Variants in CLSTN2 observed in about 807,000 individuals in gnomAD.
CLSTN2 encodes the protein calsyntenin-2.
CLSTN2 carries 48 observed loss-of-function variants against 101.2 expected under a neutral mutation model. The observed-to-expected ratio is 0.47, with a 90% CI of 0.38 to 0.60. CLSTN2 has a LOEUF of 0.60. Ranked by LOEUF, CLSTN2 falls within the 20% of genes least tolerant of loss-of-function variation. The pLI is 0.00. For synonymous variants in CLSTN2, 481 were observed against 463.6 expected (o/e 1.04, Z -0.48); for missense variants, 1,160 against 1,238.2 (o/e 0.94, Z 0.95).
At chr3:139,945,431 C>G (rs1196711250) in intron 1 of CLSTN2, among the ~76,000 whole-genome samples, 1 of 152,244 alleles carries the variant, frequency 6.6e-6, no homozygotes, top group African/African-American at 2.4e-5. Context: ...TTTAAGAAAT[C>G]TTCGAGGCTT....
At position 140,346,069 on chromosome 3, in the gene CLSTN2, A is replaced by T. The variant is rs147669807; in HGVS notation, c.233-57560A>T. Among the ~76,000 whole-genome samples the T allele has an allele frequency of 8.5e-4, 129 of 152,322 alleles. 1 individual carries two copies. The highest frequency in any genetic ancestry group is 2.9e-3 in the African/African-American group (119 of 41,572). ...AAGTCTCTTCCAAATCAATACACAG[A>T]ATATGAGATATGGCAGGGGGTGGCA... On this transcript the variant is annotated intron_variant, in intron 2 of 16. Transcript: ENST00000458420.
chr3:140,486,817 C>T (rs1215843344), intron 8 of CLSTN2, among the ~76,000 whole-genome samples: 1 of 152,294 alleles, frequency 6.6e-6, no homozygotes, highest in Admixed American at 6.5e-5. Flanking sequence ...CACCTTCAAA[C>T]CCTGAATTGG....
chr3:140,247,423 G>A (rs2086527183), intron 2 of CLSTN2, among the ~76,000 whole-genome samples: 2 of 152,306 alleles, frequency 1.3e-5, no homozygotes, highest in South Asian at 4.1e-4. Context: ...CCTTTGGGAA[G>A]CTCTGGCATC....
In CLSTN2 at chr3:140,459,487, G is replaced by A. The variant is rs1576579647; in HGVS notation, c.974-34G>A. The A allele has an allele frequency of 3.7e-6, 6 of 1,609,910 alleles. No homozygotes were observed. The South Asian group carries it at 4.4e-5, about 12-fold the overall frequency. Reference sequence around the variant, plus strand: ...AAAACAGATGAGGACACCGCATCATGACCTGTTATCCTTTCTTTCCTGACC... The same window carrying A: ...AAAACAGATGAGGACACCGCATCATAACCTGTTATCCTTTCTTTCCTGACC... On this transcript the variant is annotated intron_variant, in intron 6 of 16. Coordinates refer to ENST00000458420, the MANE Select transcript of CLSTN2 (RefSeq NM_022131.3).
At chr3:140,540,432 T>C (rs992372201) in intron 9 of CLSTN2, among the ~76,000 whole-genome samples, 20 of 152,220 alleles carry the variant, frequency 1.3e-4, no homozygotes, top group African/African-American at 4.3e-4. Context: ...GCTGCACTTA[T>C]AGGGGTCTAT....
chr3:140,259,030 A>C (rs1027209522), intron 2 of CLSTN2, among the ~76,000 whole-genome samples: 5 of 152,212 alleles, frequency 3.3e-5, no homozygotes, highest in Admixed American at 6.5e-5. Context: ...AAACATGCCA[A>C]GTTTGGTGTC....
intron 2 of CLSTN2, among the ~76,000 whole-genome samples, chr3:140,331,463 ATAT>A (rs1168681661): frequency 2.0e-5 from 3 of 152,136 alleles, no homozygotes; most frequent in Non-Finnish European, 4.4e-5. Context: ...TTGACATCTG[ATAT>A]TAACCATCAC....
At chr3:140,355,246 T>A (rs1035873898) in intron 2 of CLSTN2, among the ~76,000 whole-genome samples, 1 of 152,234 alleles carries the variant, frequency 6.6e-6, no homozygotes, top group African/African-American at 2.4e-5. Flanking sequence ...TTTTTGAACC[T>A]AAATATGAAA....
At chr3:140,208,038 T>C (rs2010806368) in intron 2 of CLSTN2, among the ~76,000 whole-genome samples, 2 of 152,184 alleles carry the variant, frequency 1.3e-5, no homozygotes, top group African/African-American at 4.8e-5. Flanking sequence ...CTGCCAGATT[T>C]TTTGCAAAAA....
chr3:140,359,642 A>G (rs1449508703), intron 2 of CLSTN2, among the ~76,000 whole-genome samples: 1 of 152,242 alleles, frequency 6.6e-6, no homozygotes, highest in African/African-American at 2.4e-5. Context: ...ATTTAAAATG[A>G]AGGCGGACCT....
chr3:140,195,155 A>G (rs905156867), intron 2 of CLSTN2, among the ~76,000 whole-genome samples: 3 of 152,188 alleles, frequency 2.0e-5, no homozygotes, highest in African/African-American at 4.8e-5. Context: ...TGAGGCCACA[A>G]TTCTTTATGC....
At chr3:140,235,016 A>T (rs975453488) in intron 2 of CLSTN2, among the ~76,000 whole-genome samples, 4 of 152,174 alleles carry the variant, frequency 2.6e-5, no homozygotes, top group African/African-American at 9.7e-5. Flanking sequence ...TATGAGACTT[A>T]TCTCCTTGGG....
chr3:140,487,228 A>G (rs1559884258), intron 8 of CLSTN2, among the ~76,000 whole-genome samples: 1 of 152,230 alleles, frequency 6.6e-6, no homozygotes, highest in African/African-American at 2.4e-5. Context: ...GGTAGTATTC[A>G]TGAGTTGGGT....
At chr3:140,396,808 C>T (rs982724076) in intron 2 of CLSTN2, among the ~76,000 whole-genome samples, 2 of 152,190 alleles carry the variant, frequency 1.3e-5, no homozygotes, top group African/African-American at 2.4e-5. Flanking sequence ...GCTGGGAGCA[C>T]TCTGCAAGGT....
At chr3:140,294,265 A>G (rs527620127) in intron 2 of CLSTN2, among the ~76,000 whole-genome samples, 4 of 152,368 alleles carry the variant, frequency 2.6e-5, no homozygotes, top group African/African-American at 7.2e-5. Context: ...TACAAAGTTT[A>G]GAAATTGTAA....
At chr3:140,430,311 G>T (rs1283987410) in intron 5 of CLSTN2, among the ~76,000 whole-genome samples, 1 of 152,186 alleles carries the variant, frequency 6.6e-6, no homozygotes. Context: ...TGTTAAGCTA[G>T]GAGTCAGCAA....
At chr3:140,147,592 T>G (rs1348358101) in intron 1 of CLSTN2, among the ~76,000 whole-genome samples, 1 of 152,208 alleles carries the variant, frequency 6.6e-6, no homozygotes, top group Non-Finnish European at 1.5e-5. Context: ...AAAATGATTT[T>G]CATTGAACAA....
At position 140,444,992 on chromosome 3, in the gene CLSTN2, G is replaced by T. The variant is rs1933041275; in HGVS notation, c.788-3527G>T. On this transcript the variant is annotated intron_variant, in intron 5 of 16. Transcript: ENST00000458420. ...TGGAAAATGGAAGATGTTTGTGTGA[G>T]CGTCTCACTCTCTCAAGTACACTGT... 2.0e-5 allele frequency among the ~76,000 whole-genome samples: 3 copies of T among 152,302 alleles called. No individual in the cohort carries two copies. The South Asian group carries it at 6.2e-4, about 32-fold the overall frequency.
intron 8 of CLSTN2, among the ~76,000 whole-genome samples, chr3:140,476,283 C>T (rs530046): frequency 0.5 from 75,558 of 152,150 alleles, 20,604 homozygotes; most frequent in African/African-American, 0.73. Flanking sequence ...GTGAAGTCCA[C>T]GTGCAGTGAG....
Sources: allele counts gnomAD v4.1 joint callset (sites outside exome capture counted in the v4.1 genomes callset), GRCh38; gene constraint gnomAD v4.1.1; transcripts MANE v1.5; gene names NCBI Gene and HGNC (gene_info 2026-07-23, HGNC 2026-07-21).